The following KIF19 variants were observed in gnomAD, a reference collection of about 807,000 sequenced individuals.
KIF19 encodes the protein kinesin-like protein KIF19.
KIF19 carries 98 observed loss-of-function variants against 106.6 expected under a neutral mutation model. The observed-to-expected ratio is 0.92, with a 90% confidence interval of 0.78 to 1.09. The LOEUF (loss-of-function observed/expected upper bound fraction) is 1.09. Among genes scored for constraint, KIF19 ranks in the 50% least tolerant of loss-of-function variants. The pLI is 0.00. For missense variants in KIF19, 1,373 were observed against 1,414.3 expected, an observed-to-expected ratio of 0.97 and a Z score of 0.47; for synonymous variants, 516 against 584.2, an observed-to-expected ratio of 0.88 and a Z score of 1.68.
intron 5 of KIF19, 128 bp from the exon 6 acceptor site, chr17:74,344,095 A>G (rs1213403686): frequency 1.1e-6 from 1 of 873,380 alleles, no homozygotes; most frequent in East Asian, 2.8e-5. Context: ...TCTTCTGAGA[A>G]GAGCCTGGGC....
Position 74,328,436 on chromosome 17 carries a change from G to T in KIF19, c.51G>T (p.Arg17=). 6.2e-7 allele frequency: 1 copy of T among 1,609,242 alleles called. No individual in the cohort carries two copies. Among genetic ancestry groups the T allele is most frequent in the Non-Finnish European group, 8.5e-7 (1 of 1,178,440 alleles). ...SKDQQLMVAL[R]VRPISVAELE... ...GTTTTCCCTCCCAGGTGGCGCTTCG[G>T]GTCCGGCCCATCAGCGTGGCAGAGC... Residue 17 remains arginine (R), a synonymous_variant, in exon 2 of 20, where the codon CGG becomes CGT. Coordinates refer to ENST00000389916, the MANE Select transcript of KIF19 (RefSeq NM_153209.4).
At chr17:74,343,856 G>T (rs114381397) in intron 5 of KIF19, among the ~76,000 whole-genome samples, 420 of 152,202 alleles carry the variant, frequency 2.8e-3, no homozygotes, top group African/African-American at 8.7e-3. Flanking sequence ...GGGGGAAGGG[G>T]GTTCTGGTCA....
rs1393793122 is a variant in KIF19 at position 74,326,287 on chromosome 17, C to T, written c.-63C>T. Reference sequence around the variant, plus strand: ...GCAGCTGGCGGACGCGACCCGGAGGCGGTGGGGGTGCGGCTGAGCCATGCC... The same window carrying T: ...GCAGCTGGCGGACGCGACCCGGAGGTGGTGGGGGTGCGGCTGAGCCATGCC... On this transcript the variant is annotated 5_prime_UTR_variant, in exon 1 of 20. Coordinates refer to ENST00000389916, the MANE Select transcript of KIF19 (RefSeq NM_153209.4). 2.0e-6 allele frequency: 3 copies of T among 1,503,342 alleles called. No homozygotes were observed. The highest frequency in any genetic ancestry group is 2.5e-5 in the East Asian group (1 of 39,988). The allele number at this position is 1,503,342 out of a possible 1,614,324, so 93.1% of individuals were successfully genotyped here. A position where few individuals can be genotyped will look rare whatever the true frequency, so the allele number is the denominator to read the frequency against.
In KIF19 at chr17:74,354,898, G is replaced by T; in HGVS notation, c.2823G>T (p.Thr941=). 1 of 1,572,150 alleles carries T rather than the reference G, an allele frequency of 6.4e-7. No homozygotes were observed. The highest frequency in any genetic ancestry group is 8.6e-7 in the Non-Finnish European group (1 of 1,159,188). Reference sequence around the variant, plus strand: ...GTATCCGGCATCTGGGAAAGGTCACGCTACCTTTGGCCAAAGTCAAACTCC... The same window carrying T: ...GTATCCGGCATCTGGGAAAGGTCACTCTACCTTTGGCCAAAGTCAAACTCC... ...APGIRHLGKV[T]LPLAKVKLPP... Residue 941 remains threonine (T), a synonymous_variant, in exon 19 of 20, where the codon ACG becomes ACT. Coordinates refer to ENST00000389916, the MANE Select transcript of KIF19 (RefSeq NM_153209.4).
chr17:74,336,461 C>T (rs2054221994), intron 2 of KIF19, among the ~76,000 whole-genome samples: 1 of 152,242 alleles, frequency 6.6e-6, no homozygotes, highest in African/African-American at 2.4e-5. Flanking sequence ...CGACACTCGT[C>T]ATAGTGGATA....
At chr17:74,345,577 G>A (rs1054642544) in intron 7 of KIF19, among the ~76,000 whole-genome samples, 7 of 152,304 alleles carry the variant, frequency 4.6e-5, no homozygotes, top group Non-Finnish European at 8.8e-5. Context: ...CCCAGCTGGT[G>A]TAGGTCTGGG....
Position 74,352,298 on chromosome 17 carries a change from G to A in KIF19, c.1938G>A (p.Glu646=). 1 of 1,612,184 alleles carries A rather than the reference G, an allele frequency of 6.2e-7. No individual in the cohort carries two copies. The highest frequency in any genetic ancestry group is 8.5e-7 in the Non-Finnish European group (1 of 1,179,464). The change falls in exon 14 of 20, where the codon GAG becomes GAA. Residue 646 remains glutamate, a synonymous_variant. Coordinates refer to ENST00000389916, the MANE Select transcript of KIF19 (RefSeq NM_153209.4). ...YLRELEEGSL[E]QATIMDQVAS... is the part of the protein sequence containing the mutation. ...GGGAGCTGGAGGAGGGCAGCCTGGAGCAGGCCACCATCATGGACCAAGTGG... is the reference window on the plus strand; with the variant it reads ...GGGAGCTGGAGGAGGGCAGCCTGGAACAGGCCACCATCATGGACCAAGTGG...
intron 19 of KIF19, 79 bp downstream of exon 19, chr17:74,355,020 G>T: frequency 6.5e-7 from 1 of 1,549,174 alleles, no homozygotes; most frequent in Non-Finnish European, 8.8e-7. Flanking sequence ...TGCATTTCCT[G>T]CGCCTCTGGC....
rs756826124 is a variant in KIF19 at position 74,353,511 on chromosome 17, C to T, written c.2238C>T (p.Ser746=). 2.5e-6 allele frequency: 4 copies of T among 1,613,874 alleles called. No homozygotes were observed. The East Asian group carries it at 8.9e-5, about 36-fold the overall frequency. ...LVTQEAPAQD[S]LGSWINSSPD... The stretch of plus-strand genomic sequence containing the variant: ...CCCCACAGGCCCCGGCTCAGGACAG[C>T]CTGGGCAGCTGGATCAACTCTTCCC... Residue 746 remains serine, a synonymous_variant, in exon 17 of 20, where the codon AGC becomes AGT. Coordinates refer to ENST00000389916, the MANE Select transcript of KIF19 (RefSeq NM_153209.4).
At chr17:74,344,149 G>A in intron 5 of KIF19, 74 bp from the exon 6 acceptor site, 2 of 1,409,920 alleles carry the variant, frequency 1.4e-6, no homozygotes, top group South Asian at 2.7e-5. Flanking sequence ...CGAAAGGAAA[G>A]GGGACTCAGC....
At chr17:74,351,734 C>A in intron 12 of KIF19, 133 bp from the exon 13 acceptor site, 1 of 1,046,812 alleles carries the variant, frequency 9.6e-7, no homozygotes, top group Non-Finnish European at 1.3e-6. Context: ...CAAGATTCAG[C>A]TTTTAGGGTT....
In KIF19 at chr17:74,352,869, G is replaced by A; in HGVS notation, c.2029G>A (p.Asp677Asn). The A allele has an allele frequency of 2.5e-6, 4 of 1,613,994 alleles. No individual in the cohort carries two copies. Among genetic ancestry groups the A allele is most frequent in the Non-Finnish European group, 2.5e-6 (3 of 1,179,890 alleles). ...CCCAGCAGGAACCTCACTGACCCCA[G>A]ATTCTGACCTGGAGAGTGTGAAGAC... ...ITPAGTSLTPDSDLESVKTLS... is the reference protein window; with the variant it reads ...ITPAGTSLTPNSDLESVKTLS... The change falls in exon 15 of 20, where the codon GAT becomes AAT. Residue 677 changes from aspartate to asparagine, a missense_variant. Coordinates refer to ENST00000389916, the MANE Select transcript of KIF19 (RefSeq NM_153209.4).
intron 10 of KIF19, among the ~76,000 whole-genome samples, chr17:74,349,744 G>A (rs1451022326): frequency 6.6e-6 from 1 of 152,050 alleles, no homozygotes; most frequent in African/African-American, 2.4e-5. Flanking sequence ...CCAACAGACA[G>A]TAAAGCTTTT....
rs1337008181 is a variant in KIF19 at position 74,349,200 on chromosome 17, T to C, written c.1064T>C (p.Leu355Pro). ...TCCCTGCAGGTGAAGCAGAACCTCCTGAACGTCTCCTACCACATCGCCCAG... is the reference window on the plus strand; with the variant it reads ...TCCCTGCAGGTGAAGCAGAACCTCCCGAACGTCTCCTACCACATCGCCCAG... Reference protein sequence around the residue: ...NIKTRVKQNLLNVSYHIAQYT... With the variant: ...NIKTRVKQNLPNVSYHIAQYT... The change falls in exon 10 of 20, where the codon CTG (leucine) becomes CCG (proline). Residue 355 changes from leucine (L) to proline (P), a missense_variant. By Grantham distance (98) the Leu-to-Pro change is moderately conservative. Transcript: ENST00000389916. 4 of 1,613,832 alleles carry C rather than the reference T, an allele frequency of 2.5e-6. No individual in the cohort carries two copies. The highest frequency in any genetic ancestry group is 2.5e-6 in the Non-Finnish European group (3 of 1,179,872).
In KIF19 at chr17:74,347,781, C is replaced by T. The variant is rs775874104; in HGVS notation, c.929C>T (p.Ser310Phe). Residue 310 changes from serine to phenylalanine, a missense_variant, in exon 9 of 20, where the codon TCT becomes TTT. By Grantham distance (155) the Ser-to-Phe change is radical (BLOSUM62 -2). This residue lies in a region of KIF19 where 1,020 missense variants were observed against 1,008.2 expected (regional missense o/e 1.01). Coordinates refer to ENST00000389916, the MANE Select transcript of KIF19 (RefSeq NM_153209.4). ...CCACAGCCACCTCCCATCCAGGACT[C>T]TCTGGGAGGAAACAGCCGCACAGTG... ...DSKLTRLLKD[S>F]LGGNSRTVMI... 1.3e-6 allele frequency: 2 copies of T among 1,588,814 alleles called. No homozygotes were observed. The highest frequency in any genetic ancestry group is 1.7e-6 in the Non-Finnish European group (2 of 1,168,274).
intron 19 of KIF19, 57 bp from the exon 20 acceptor site, chr17:74,355,125 G>A: frequency 6.4e-7 from 1 of 1,554,208 alleles, no homozygotes; most frequent in Non-Finnish European, 8.7e-7. Context: ...TGGGTGATGG[G>A]AGAGGAGTTG....
intron 7 of KIF19, among the ~76,000 whole-genome samples, chr17:74,345,163 C>T (rs1164199283): frequency 6.6e-6 from 1 of 151,964 alleles, no homozygotes; most frequent in African/African-American, 2.4e-5. Flanking sequence ...AGTGGAGACC[C>T]CCGGGTTAAG....
rs1162434572 is a variant in KIF19, at chr17:74,346,134, G to A, written c.778-244G>A. ...TGTGTCAGGCCGTGCCACGGCACCT[G>A]CCCTGAGGAGAACCGGCCATCTCAG... On this transcript the variant is annotated intron_variant, in intron 7 of 19. Transcript: ENST00000389916. This position sits in a 1 kb window ranked among gnomAD's most constrained non-coding sequence, Gnocchi z 4.6. Among the ~76,000 whole-genome samples, 1 of 152,242 alleles carries A rather than the reference G, an allele frequency of 6.6e-6. No homozygotes were observed. Among genetic ancestry groups the A allele is most frequent in the Non-Finnish European group, 1.5e-5 (1 of 68,034 alleles).
intron 1 of KIF19, 79 bp downstream of exon 1, chr17:74,326,467 C>T: frequency 1.4e-6 from 2 of 1,389,702 alleles, no homozygotes; most frequent in Non-Finnish European, 2.0e-6. Context: ...AGTCCTGTCC[C>T]CTCGCCGCCA....
Sources: gnomAD v4.1 joint callset for allele counts (sites outside exome capture counted in the v4.1 genomes callset) on GRCh38, gnomAD v4.1.1 for gene constraint, gnomAD v4.1.1 regional missense constraint, Gnocchi (gnomAD v3.1) non-coding constraint, MANE v1.5 for transcripts, NCBI Gene and HGNC (gene_info 2026-07-23, HGNC 2026-07-21) for gene names.